PPP2R5E: variants seen among roughly 807,000 people sequenced by gnomAD.
The protein encoded by PPP2R5E is protein phosphatase 2 regulatory subunit B'epsilon.
In PPP2R5E, 4 loss-of-function variants were observed where a neutral mutation model predicts 65.3. That is an observed-to-expected ratio of 0.06 (90% CI 0.03 to 0.14). The LOEUF (loss-of-function observed/expected upper bound fraction) is 0.14, where lower values mean the gene tolerates loss of function less well. PPP2R5E is among the 10% of genes least tolerant of loss of function. PPP2R5E has a pLI of 1.00. For missense variants in PPP2R5E, 274 were observed against 556.1 expected (o/e 0.49, Z 5.10); for synonymous variants, 183 against 187.4 (o/e 0.98, Z 0.19).
intron 7 of PPP2R5E, among the ~76,000 whole-genome samples, chr14:63,394,211 T>G (rs1885199873): frequency 6.6e-6 from 1 of 151,410 alleles, no homozygotes; most frequent in Non-Finnish European, 1.5e-5. Flanking sequence ...GCCTCCCAAG[T>G]AGCTGGGATT....
chr14:63,398,089 T>C lies in PPP2R5E; in HGVS notation c.550-1373A>G, dbSNP rs76607637. 2.4e-3 allele frequency among the ~76,000 whole-genome samples: 369 copies of C among 152,318 alleles called. 13 individuals carry two copies. The East Asian group carries it at 0.048, about 20-fold the overall frequency. On this transcript the variant is annotated intron_variant, in intron 5 of 13. Transcript: ENST00000337537. The stretch of plus-strand genomic sequence containing the variant: ...TCTAAAGTTAATAACCAAATCCTGA[T>C]AACATCACATCTACATGCTCAAAAT...
chr14:63,410,968 A>G (rs1420719948), intron 5 of PPP2R5E, among the ~76,000 whole-genome samples: 1 of 152,208 alleles, frequency 6.6e-6, no homozygotes, highest in Non-Finnish European at 1.5e-5. Flanking sequence ...GGCTGAAAAC[A>G]TAAAGTATAT....
chr14:63,397,614 T>A (rs1481141316), intron 5 of PPP2R5E, among the ~76,000 whole-genome samples: 2 of 151,502 alleles, frequency 1.3e-5, no homozygotes, highest in Non-Finnish European at 2.9e-5. Flanking sequence ...TCAATGATAC[T>A]GGCAATGGTC....
intron 2 of PPP2R5E, among the ~76,000 whole-genome samples, chr14:63,468,244 AAC>A (rs1476778094): frequency 3.3e-5 from 5 of 151,772 alleles, no homozygotes; most frequent in Admixed American, 6.5e-5. Flanking sequence ...CATTGTGTGA[AAC>A]ACAATGCCAG....
intron 2 of PPP2R5E, among the ~76,000 whole-genome samples, chr14:63,518,256 G>A (rs759668125): frequency 3.3e-5 from 5 of 151,606 alleles, no homozygotes; most frequent in Non-Finnish European, 2.9e-5. Flanking sequence ...TTTTTTGTTT[G>A]TTTATTTATT....
chr14:63,459,000 C>T (rs992053878), intron 2 of PPP2R5E, among the ~76,000 whole-genome samples: 1 of 152,148 alleles, frequency 6.6e-6, no homozygotes, highest in Non-Finnish European at 1.5e-5. Flanking sequence ...AGAACTTTCT[C>T]TTAAGATGTA....
intron 2 of PPP2R5E, among the ~76,000 whole-genome samples, chr14:63,538,798 A>G (rs1298052907): frequency 6.6e-6 from 1 of 151,780 alleles, no homozygotes; most frequent in African/African-American, 2.4e-5. Context: ...TACAAAAATT[A>G]GCTGGGCATG....
chr14:63,417,082 T>C (rs888096687), intron 4 of PPP2R5E, among the ~76,000 whole-genome samples: 1 of 152,218 alleles, frequency 6.6e-6, no homozygotes, highest in African/African-American at 2.4e-5. Flanking sequence ...TAAAATCCAA[T>C]CATCTGTCTT....
At chr14:63,456,095 T>C (rs1019981608) in intron 2 of PPP2R5E, among the ~76,000 whole-genome samples, 1 of 152,222 alleles carries the variant, frequency 6.6e-6, no homozygotes, top group African/African-American at 2.4e-5. Flanking sequence ...TAACATTCGT[T>C]ACAGGTCAAA....
intron 11 of PPP2R5E, among the ~76,000 whole-genome samples, chr14:63,385,885 A>T (rs1884637987): frequency 6.6e-6 from 1 of 152,094 alleles, no homozygotes; most frequent in South Asian, 2.1e-4. Flanking sequence ...GGCTGCACCT[A>T]CCCTCTCTGC....
rs151265788 is a variant in PPP2R5E, at chr14:63,468,911, T to TC, written c.158-15027dup. Among the ~76,000 whole-genome samples the TC allele has an allele frequency of 4.6e-3, 697 of 152,274 alleles. 2 individuals carry two copies. The highest frequency in any genetic ancestry group is 0.015 in the African/African-American group (623 of 41,534). On this transcript the variant is annotated intron_variant, in intron 2 of 13. Coordinates refer to ENST00000337537, the MANE Select transcript of PPP2R5E (RefSeq NM_006246.5). ...TCAAAGTATCTCTAAACCTTTCTTT[T>TC]CCCCACACACTCTGTTATTTAGAGA... is the stretch of plus-strand genomic sequence containing the variant.
chr14:63,480,890 T>A (rs1890663452), intron 2 of PPP2R5E, among the ~76,000 whole-genome samples: 1 of 152,182 alleles, frequency 6.6e-6, no homozygotes, highest in Non-Finnish European at 1.5e-5. Context: ...TGCTCACTGA[T>A]CCCAAACCTT....
intron 3 of PPP2R5E, among the ~76,000 whole-genome samples, chr14:63,450,068 C>T (rs1490560772): frequency 6.6e-6 from 1 of 151,828 alleles, no homozygotes; most frequent in Non-Finnish European, 1.5e-5. Flanking sequence ...TACAGATGGG[C>T]TTTCACCATG....
chr14:63,483,277 G>A (rs1360642396), intron 2 of PPP2R5E, among the ~76,000 whole-genome samples: 4 of 152,124 alleles, frequency 2.6e-5, no homozygotes, highest in East Asian at 1.9e-4. Flanking sequence ...GAATGCACTC[G>A]CAGACATAAA....
intron 10 of PPP2R5E, among the ~76,000 whole-genome samples, chr14:63,390,601 T>C (rs1884964086): frequency 6.6e-6 from 1 of 152,240 alleles, no homozygotes; most frequent in South Asian, 2.1e-4. Flanking sequence ...CAATGCACAG[T>C]TCAATTTTAT....
chr14:63,517,692 A>T (rs919946831), intron 2 of PPP2R5E, among the ~76,000 whole-genome samples: 1 of 152,230 alleles, frequency 6.6e-6, no homozygotes, highest in Non-Finnish European at 1.5e-5. Flanking sequence ...AGGAAAATTT[A>T]AAATTAGAAA....
chr14:63,385,561 C>A (rs1884612185), intron 11 of PPP2R5E, among the ~76,000 whole-genome samples: 1 of 152,140 alleles, frequency 6.6e-6, no homozygotes, highest in Non-Finnish European at 1.5e-5. Context: ...GTCACAGCTA[C>A]TGAGGAACAC....
intron 13 of PPP2R5E, among the ~76,000 whole-genome samples, chr14:63,380,669 A>AAC (rs1196855783): frequency 1.5e-5 from 2 of 137,278 alleles, no homozygotes; most frequent in South Asian, 2.2e-4. Context: ...CTCAAAAAAC[A>AAC]AAAAAAAAAA....
chr14:63,377,942 C>G (rs1402615881), intron 13 of PPP2R5E, among the ~76,000 whole-genome samples: 1 of 152,208 alleles, frequency 6.6e-6, no homozygotes, highest in Non-Finnish European at 1.5e-5. Context: ...TCATAGCTCA[C>G]TGTAGCCTCA....
Sources: allele counts gnomAD v4.1 joint callset (sites outside exome capture counted in the v4.1 genomes callset), GRCh38; gene constraint gnomAD v4.1.1; transcripts MANE v1.5; gene names NCBI Gene and HGNC (gene_info 2026-07-23, HGNC 2026-07-21).